Variants in ZFAND3 observed in about 807,000 individuals in gnomAD.
ZFAND3 encodes the protein AN1-type zinc finger protein 3.
Under a neutral mutation model 29.6 loss-of-function variants are expected in ZFAND3, and 10 were observed. The observed-to-expected ratio is 0.34, with a 90% CI of 0.21 to 0.57. The LOEUF (loss-of-function observed/expected upper bound fraction) is 0.57, where lower values mean the gene tolerates loss of function less well. ZFAND3 is among the 20% of genes least tolerant of loss of function. The pLI is 0.86. For missense variants in ZFAND3, 230 were observed against 304.5 expected, an observed-to-expected ratio of 0.76 and a Z score of 1.82; for synonymous variants, 128 against 112.6, an observed-to-expected ratio of 1.14 and a Z score of -0.87.
intron 1 of ZFAND3, among the ~76,000 whole-genome samples, chr6:37,897,730 T>C (rs1765245185): frequency 6.6e-6 from 1 of 152,234 alleles, no homozygotes; most frequent in African/African-American, 2.4e-5. Context: ...GTCTGATGTC[T>C]ACTGATGTTG....
chr6:38,060,001 A>G (rs1257856478), intron 2 of ZFAND3, among the ~76,000 whole-genome samples: 1 of 152,158 alleles, frequency 6.6e-6, no homozygotes, highest in Non-Finnish European at 1.5e-5. Context: ...TTTCTCATCA[A>G]TATAACCATT....
intron 1 of ZFAND3, among the ~76,000 whole-genome samples, chr6:37,904,173 G>C (rs545338050): frequency 6.6e-6 from 1 of 152,192 alleles, no homozygotes; most frequent in Non-Finnish European, 1.5e-5. Context: ...ATGTTGGGCA[G>C]TGTACATCCT....
At chr6:37,910,639 A>T (rs1237166754) in intron 1 of ZFAND3, among the ~76,000 whole-genome samples, 1 of 152,188 alleles carries the variant, frequency 6.6e-6, no homozygotes, top group Non-Finnish European at 1.5e-5. Context: ...TCAAGTATAC[A>T]ATAAATTGTT....
intron 2 of ZFAND3, among the ~76,000 whole-genome samples, chr6:37,944,565 G>T (rs1374276286): frequency 6.6e-6 from 1 of 152,200 alleles, no homozygotes; most frequent in African/African-American, 2.4e-5. Flanking sequence ...TTCATTGAAT[G>T]GGAAAGGCAA....
intron 2 of ZFAND3, among the ~76,000 whole-genome samples, chr6:37,976,651 T>C (rs991690376): frequency 1.3e-5 from 2 of 151,184 alleles, no homozygotes; most frequent in Admixed American, 6.6e-5. Flanking sequence ...AGAGGTTTAA[T>C]TGACTCACAG....
chr6:37,963,572 C>G (rs1219768224), intron 2 of ZFAND3, among the ~76,000 whole-genome samples: 2 of 151,424 alleles, frequency 1.3e-5, no homozygotes, highest in African/African-American at 4.9e-5. Context: ...ACAAAAGAGA[C>G]AAACCTTTAG....
intron 2 of ZFAND3, among the ~76,000 whole-genome samples, chr6:37,979,671 A>G (rs1378339527): frequency 6.6e-6 from 1 of 152,180 alleles, no homozygotes; most frequent in African/African-American, 2.4e-5. Flanking sequence ...AGCCCTGTCA[A>G]AACAATCCAT....
intron 2 of ZFAND3, among the ~76,000 whole-genome samples, chr6:37,981,843 G>T (rs533177007): frequency 6.6e-6 from 1 of 152,094 alleles, no homozygotes; most frequent in Non-Finnish European, 1.5e-5. Flanking sequence ...TGTGCCCAAC[G>T]TGGTCAGGGC....
At chr6:37,841,585 G>A (rs1160508910) in intron 1 of ZFAND3, among the ~76,000 whole-genome samples, 2 of 152,136 alleles carry the variant, frequency 1.3e-5, no homozygotes, top group Non-Finnish European at 2.9e-5. Flanking sequence ...CCGGGTTCAC[G>A]CCATTCCCCT....
Position 38,061,599 on chromosome 6 carries a change from A to G in ZFAND3, c.119A>G (p.Gln40Arg). ...NLCSKCFADFQKKQPDDDSAP... is the reference protein window; with the variant it reads ...NLCSKCFADFRKKQPDDDSAP... ...GTTTTCTATTTTTCTTCAGATTTTC[A>G]AAAGAAACAGCCAGACGATGATTCC... Residue 40 changes from glutamine to arginine, a missense_variant, in exon 3 of 6, where the codon CAA becomes CGA. Coordinates refer to ENST00000287218, the MANE Select transcript of ZFAND3 (RefSeq NM_021943.3). 1 of 1,614,056 alleles carries G rather than the reference A, an allele frequency of 6.2e-7. No homozygotes were observed. Among genetic ancestry groups the G allele is most frequent in the East Asian group, 2.2e-5 (1 of 44,878 alleles).
intron 2 of ZFAND3, among the ~76,000 whole-genome samples, chr6:37,986,051 A>C (rs1416091792): frequency 2.6e-5 from 4 of 152,242 alleles, no homozygotes; most frequent in Non-Finnish European, 5.9e-5. Flanking sequence ...ACAAAAGTAG[A>C]CATTGTCTGC....
intron 2 of ZFAND3, among the ~76,000 whole-genome samples, chr6:38,059,182 C>T (rs186459007): frequency 9.2e-5 from 14 of 152,206 alleles, no homozygotes; most frequent in Non-Finnish European, 1.3e-4. Flanking sequence ...ATAGAAGACC[C>T]GTTTTTCTCC....
chr6:38,041,669 T>TCTCCTTCTC (rs1353509668), intron 2 of ZFAND3, among the ~76,000 whole-genome samples: 4 of 22,966 alleles, frequency 1.7e-4, no homozygotes, highest in Admixed American at 5.8e-4. Flanking sequence ...TTCTTCTTCT[T>TCTCCTTCTC]CTTCTTCTTC....
At chr6:37,976,517 G>A (rs1762480438) in intron 2 of ZFAND3, among the ~76,000 whole-genome samples, 1 of 146,376 alleles carries the variant, frequency 6.8e-6, no homozygotes, top group Admixed American at 7.0e-5. Context: ...CCCGGAAGTA[G>A]AGGTTGCAGT....
chr6:37,913,595 C>G (rs1209758652), intron 1 of ZFAND3, among the ~76,000 whole-genome samples: 1 of 152,102 alleles, frequency 6.6e-6, no homozygotes, highest in Non-Finnish European at 1.5e-5. Flanking sequence ...GCTTTTTTGA[C>G]CTCTTCCCAT....
At position 38,112,661 on chromosome 6, in the gene ZFAND3, T is replaced by A. The variant is rs568200138; in HGVS notation, c.362-3911T>A. 3.3e-5 allele frequency among the ~76,000 whole-genome samples: 5 copies of A among 152,282 alleles called. No homozygotes were observed. The East Asian group carries it at 9.6e-4, about 29-fold the overall frequency. On this transcript the variant is annotated intron_variant, in intron 4 of 5. Coordinates refer to ENST00000287218, the MANE Select transcript of ZFAND3 (RefSeq NM_021943.3). ...GATGGTTGCTTTAATGTCAACCATG[T>A]TTGGATTTTTTTTTCCTGGTAGTCT... is the stretch of plus-strand genomic sequence containing the variant.
chr6:38,036,964 GT>G (rs577428451), intron 2 of ZFAND3, among the ~76,000 whole-genome samples: 116 of 152,206 alleles, frequency 7.6e-4, no homozygotes, highest in African/African-American at 2.6e-3. Context: ...TTCAGAAACT[GT>G]AAAATCAGAA....
chr6:37,893,576 T>G (rs1765142711), intron 1 of ZFAND3, among the ~76,000 whole-genome samples: 1 of 152,168 alleles, frequency 6.6e-6, no homozygotes, highest in Admixed American at 6.5e-5. Context: ...TTTTTGAAGG[T>G]GGAGTCTTGC....
intron 1 of ZFAND3, among the ~76,000 whole-genome samples, chr6:37,843,974 A>G (rs149971183): frequency 4.0e-5 from 6 of 148,562 alleles, no homozygotes; most frequent in African/African-American, 9.9e-5. Flanking sequence ...CTGGAGTGCA[A>G]TGGTGTGATC....
Sources: gnomAD v4.1 joint callset for allele counts (sites outside exome capture counted in the v4.1 genomes callset) on GRCh38, gnomAD v4.1.1 for gene constraint, MANE v1.5 for transcripts, NCBI Gene and HGNC (gene_info 2026-07-23, HGNC 2026-07-21) for gene names.